The following DCTN1 variants were observed in gnomAD, a reference collection of about 807,000 sequenced individuals.
The protein encoded by DCTN1 is 150 kDa dynein-associated polypeptide.
In DCTN1, 61 loss-of-function variants were observed where a neutral mutation model predicts 161.2. That is an observed-to-expected ratio of 0.38 (90% CI 0.31 to 0.47). DCTN1 has a LOEUF of 0.47. Ranked by LOEUF, DCTN1 falls within the 20% of genes least tolerant of loss-of-function variation. The pLI, the probability that DCTN1 is intolerant of heterozygous loss-of-function variation, is 0.99. For missense variants in DCTN1, 1,404 were observed against 1,623.7 expected (o/e 0.86, Z 2.33); for synonymous variants, 653 against 632.4 (o/e 1.03, Z -0.49).
chr2:74,370,124 A>G lies in DCTN1; in HGVS notation c.1288-55T>C, dbSNP rs751271977. ...CTGCTGGAAGGTACCTAGAAAGAGG[A>G]GGCATCAACTGATAGGAGAGTCAGG... On this transcript the variant is annotated intron_variant, in intron 12 of 31. Coordinates refer to ENST00000628224, the MANE Select transcript of DCTN1 (RefSeq NM_004082.5). The surrounding 1 kb of genome is among the most constrained non-coding windows in gnomAD (Gnocchi z 4.4). 2.5e-6 allele frequency: 4 copies of G among 1,613,988 alleles called. No homozygotes were observed. Among genetic ancestry groups the G allele is most frequent in the Non-Finnish European group, 3.4e-6 (4 of 1,179,972 alleles).
rs1674176406 is a variant in DCTN1 at position 74,363,495 on chromosome 2, C to T, written c.3212-68G>A. 1.9e-6 allele frequency: 3 copies of T among 1,601,874 alleles called. No individual in the cohort carries two copies. In the Admixed American group the frequency reaches 5.1e-5, roughly 27 times the overall value. On this transcript the variant is annotated intron_variant, in intron 27 of 31. Transcript: ENST00000628224. ...GGTTGAAAATTGGGCTCCATTCCTA[C>T]TCTTCCCCTTTCCTCATCCCCCCAT...
chr2:74,367,201 C>T (rs1388661428), intron 19 of DCTN1, 94 bp from the exon 20 acceptor site: 6 of 1,551,668 alleles, frequency 3.9e-6, no homozygotes, highest in Non-Finnish European at 4.4e-6. Flanking sequence ...TGCTGACCCC[C>T]ATACATAAGT....
intron 4 of DCTN1, 140 bp downstream of exon 4, chr2:74,377,291 GC>G: frequency 2.6e-6 from 2 of 769,502 alleles, no homozygotes; most frequent in South Asian, 3.0e-5. Context: ...TCCCCAGAAA[GC>G]CTCCTTCTTA....
At chr2:74,362,783 C>G in intron 29 of DCTN1, 54 bp from the exon 30 acceptor site, 1 of 1,564,036 alleles carries the variant, frequency 6.4e-7, no homozygotes, top group Non-Finnish European at 8.8e-7. Context: ...GGCAGTTCTA[C>G]TGGATTAAGG....
chr2:74,375,109 C>T (rs1358005355), intron 5 of DCTN1, among the ~76,000 whole-genome samples: 1 of 152,166 alleles, frequency 6.6e-6, no homozygotes, highest in Admixed American at 6.5e-5. Flanking sequence ...GAGTGCCCCT[C>T]CAGCAACAGG....
intron 3 of DCTN1, 34 bp from the exon 4 acceptor site, chr2:74,377,500 T>C (rs757195190): frequency 6.3e-7 from 1 of 1,598,478 alleles, no homozygotes; most frequent in South Asian, 1.1e-5. Context: ...AGTGTGTACT[T>C]GTATAGAGAG....
intron 1 of DCTN1, chr2:74,386,875 G>A (rs1437426414): frequency 6.6e-6 from 1 of 151,620 alleles, no homozygotes; most frequent in African/African-American, 2.4e-5. Flanking sequence ...CTTTTCTCTT[G>A]TGTCTTCATT....
In DCTN1 at chr2:74,366,251, G is replaced by A; in HGVS notation, c.2753C>T (p.Pro918Leu). The part of the protein sequence containing the change: ...QEGEYDAERP[P>L]SKPPPVELRA... Reference sequence around the variant, plus strand: ...AAGGAAATCTCCACCTACCTTGCTGGGGGGCCGCTCTGCATCATACTCCCC... The same window carrying A: ...AAGGAAATCTCCACCTACCTTGCTGAGGGGCCGCTCTGCATCATACTCCCC... The change falls in exon 23 of 32, where the codon CCC becomes CTC. Residue 918 changes from proline (P) to leucine (L), a missense_variant. Pro to Leu is a moderately conservative substitution (Grantham distance 98). Coordinates refer to ENST00000628224, the MANE Select transcript of DCTN1 (RefSeq NM_004082.5). The A allele has an allele frequency of 6.2e-7, 1 of 1,614,098 alleles. No individual in the cohort carries two copies. Among genetic ancestry groups the A allele is most frequent in the South Asian group, 1.1e-5 (1 of 91,082 alleles).
chr2:74,376,801 A>G (rs1675254321), intron 4 of DCTN1, 39 bp from the exon 5 acceptor site: 1 of 1,588,868 alleles, frequency 6.3e-7, no homozygotes, highest in Admixed American at 1.8e-5. Context: ...TAGAGAACAG[A>G]TGTCCTGGGC....
Position 74,366,569 on chromosome 2 carries a change from C to T in DCTN1, c.2518G>A (p.Val840Met), listed in dbSNP as rs145293019. The change falls in exon 22 of 32, where the codon GTG (valine) becomes ATG (methionine). Residue 840 changes from valine (V) to methionine (M), a missense_variant. By Grantham distance (21) the Val-to-Met change is conservative. This residue lies in a region of DCTN1 where 475 missense variants were observed against 489.8 expected (regional missense o/e 0.97). Transcript: ENST00000628224. Reference protein sequence around the residue: ...CRKHLTWVVAVLQEVAAAAAQ... With the variant: ...CRKHLTWVVAMLQEVAAAAAQ... ...GCAGCAGCTGCCACCTCCTGCAGCACAGCCACGACCCACGTCAAGTGTTTC... is the reference window on the plus strand; with the variant it reads ...GCAGCAGCTGCCACCTCCTGCAGCATAGCCACGACCCACGTCAAGTGTTTC... The T allele has an allele frequency of 6.2e-6, 10 of 1,613,544 alleles. No homozygotes were observed. Among genetic ancestry groups the T allele is most frequent in the Non-Finnish European group, 2.5e-6 (3 of 1,180,026 alleles).
At chr2:74,383,539 G>A (rs1280695926), upstream of DCTN1, among the ~76,000 whole-genome samples, 2 of 152,212 alleles carry the variant, frequency 1.3e-5, no homozygotes, top group Non-Finnish European at 2.9e-5. Flanking sequence ...TGGAGTGCAG[G>A]CAGGAGCAAC....
chr2:74,373,145 C>T (rs1488183505), intron 6 of DCTN1, 197 bp from the exon 7 acceptor site: 22 of 655,794 alleles, frequency 3.4e-5, no homozygotes, highest in Admixed American at 6.4e-5. Context: ...ACCCAGAATT[C>T]CTGTTCCCCT....
intron 6 of DCTN1, chr2:74,373,209 C>A: frequency 1.8e-6 from 1 of 547,324 alleles, no homozygotes; most frequent in East Asian, 3.2e-5. Context: ...CCTTCAGACA[C>A]CCCAGAAATC....
exon 1 of DCTN1, chr2:74,391,815 G>C (rs771911182): frequency 4.4e-6 from 2 of 453,836 alleles, no homozygotes; most frequent in East Asian, 7.0e-5. Flanking sequence ...GGGGCTCCGC[G>C]CCCAGCTCCG....
upstream of DCTN1, among the ~76,000 whole-genome samples, chr2:74,383,053 G>A (rs548929276): frequency 2.9e-4 from 43 of 150,608 alleles, no homozygotes; most frequent in Admixed American, 1.3e-3. Flanking sequence ...CCGCAGTCCC[G>A]CCTGGGCGAC....
intron 24 of DCTN1, 31 bp downstream of exon 24, chr2:74,365,862 C>A: frequency 1.2e-6 from 2 of 1,614,076 alleles, no homozygotes; most frequent in Non-Finnish European, 1.7e-6. Flanking sequence ...AATTTCCTGG[C>A]CCCCAGATCC....
At chr2:74,365,741 T>A in intron 24 of DCTN1, 84 bp from the exon 25 acceptor site, 1 of 1,612,180 alleles carries the variant, frequency 6.2e-7, no homozygotes, top group Non-Finnish European at 8.5e-7. Context: ...GATAGTAGGT[T>A]CCCTGAGGGC....
At chr2:74,372,863 C>G in intron 7 of DCTN1, 65 bp downstream of exon 7, 4 of 1,521,570 alleles carry the variant, frequency 2.6e-6, no homozygotes, top group Middle Eastern at 1.7e-4. Flanking sequence ...TGCCCTCATA[C>G]ATCCACATGC....
chr2:74,391,535 G>A (rs551435481), intron 1 of DCTN1: 11 of 317,882 alleles, frequency 3.5e-5, no homozygotes, highest in African/African-American at 1.9e-4. Flanking sequence ...GGAACGGAGG[G>A]GAGACCCTTG....
Sources: allele counts gnomAD v4.1 joint callset (sites outside exome capture counted in the v4.1 genomes callset), GRCh38; gene constraint gnomAD v4.1.1; regional missense constraint gnomAD v4.1.1; non-coding constraint Gnocchi (gnomAD v3.1); transcripts MANE v1.5; gene names NCBI Gene and HGNC (gene_info 2026-07-23, HGNC 2026-07-21).